Variants in KIAA1328 observed in about 807,000 individuals in gnomAD.
KIAA1328 encodes KIAA1328, also known as protein hinderin.
Under a neutral mutation model 68.1 loss-of-function variants are expected in KIAA1328, and 52 were observed. The observed-to-expected ratio is 0.76, with a 90% CI of 0.61 to 0.96. The LOEUF is 0.96. KIAA1328 is among the 40% of genes least tolerant of loss of function. KIAA1328 has a pLI of 0.00. For missense variants in KIAA1328, 641 were observed against 677.6 expected (o/e 0.95, Z 0.60); for synonymous variants, 232 against 239.4 (o/e 0.97, Z 0.28).
rs374704730 is a variant in KIAA1328, at chr18:37,051,039, C to T, written c.577-15851C>T. ...GGACTTACCTAAAACAACAGAACTC[C>T]TAACTAATAGTATTAGAATTATAAT... On this transcript the variant is annotated intron_variant, in intron 6 of 9. Coordinates refer to ENST00000280020, the MANE Select transcript of KIAA1328 (RefSeq NM_020776.3). Among the ~76,000 whole-genome samples the T allele has an allele frequency of 1.2e-4, 19 of 152,224 alleles. No homozygotes were observed. The South Asian group carries it at 3.1e-3, about 25-fold the overall frequency.
chr18:36,890,850 A>G (rs578083812), intron 5 of KIAA1328, among the ~76,000 whole-genome samples: 22 of 152,162 alleles, frequency 1.4e-4, no homozygotes, highest in Non-Finnish European at 2.2e-4. Flanking sequence ...TAATTCTCCA[A>G]AAAGATATAT....
chr18:37,173,889 C>A (rs1343851265), intron 9 of KIAA1328, among the ~76,000 whole-genome samples: 23 of 152,160 alleles, frequency 1.5e-4, no homozygotes, highest in Admixed American at 1.5e-3. Context: ...AAGTTGTATT[C>A]CAGTCCAGTG....
At chr18:37,069,046 A>G (rs1174165614) in intron 7 of KIAA1328, among the ~76,000 whole-genome samples, 1 of 152,042 alleles carries the variant, frequency 6.6e-6, no homozygotes, top group Non-Finnish European at 1.5e-5. Flanking sequence ...TAGGTGTTGA[A>G]TTTTGTCAAA....
chr18:36,970,307 A>G (rs976429165), intron 6 of KIAA1328, among the ~76,000 whole-genome samples: 8 of 152,218 alleles, frequency 5.3e-5, no homozygotes, highest in African/African-American at 1.9e-4. Context: ...AACATATCTC[A>G]AAATAATAAG....
chr18:37,150,908 A>G (rs113774685), intron 7 of KIAA1328, among the ~76,000 whole-genome samples: 184 of 152,244 alleles, frequency 1.2e-3, no homozygotes, highest in African/African-American at 4.3e-3. Context: ...GGAACAGGGT[A>G]AAGATGTCCA....
rs529591920 is a variant in KIAA1328, at chr18:37,122,561, AT to A, written c.1233-37636del. On this transcript the variant is annotated intron_variant, in intron 7 of 9. Coordinates refer to ENST00000280020, the MANE Select transcript of KIAA1328 (RefSeq NM_020776.3). ...AGATCCCAGTGATATAGGACCTAGA[AT>A]TTGAATCACAGGTGGAAAAATTATC... 8.5e-5 allele frequency among the ~76,000 whole-genome samples: 13 copies of A among 152,330 alleles called. No homozygotes were observed. In the South Asian group the frequency reaches 2.7e-3, roughly 32 times the overall value.
intron 5 of KIAA1328, among the ~76,000 whole-genome samples, chr18:36,900,318 G>T (rs1232771656): frequency 6.6e-6 from 1 of 151,888 alleles, no homozygotes; most frequent in Non-Finnish European, 1.5e-5. Context: ...TATCATGTGG[G>T]TAAGTTCCCT....
chr18:37,209,355 TG>T (rs1450326375), intron 9 of KIAA1328, among the ~76,000 whole-genome samples: 1 of 152,170 alleles, frequency 6.6e-6, no homozygotes, highest in African/African-American at 2.4e-5. Flanking sequence ...GCACCTACCT[TG>T]TGCCAGATAC....
At chr18:37,067,708 C>T (rs1262204735) in intron 7 of KIAA1328, among the ~76,000 whole-genome samples, 163 bp downstream of exon 7, 3 of 151,960 alleles carry the variant, frequency 2.0e-5, no homozygotes, top group African/African-American at 4.8e-5. Flanking sequence ...TACAGGCGCC[C>T]GCCACCATGC....
intron 6 of KIAA1328, among the ~76,000 whole-genome samples, chr18:37,014,765 C>T (rs2054093137): frequency 6.6e-6 from 1 of 152,138 alleles, no homozygotes; most frequent in Non-Finnish European, 1.5e-5. Flanking sequence ...AGTCACCTCC[C>T]ACCTCCAACA....
intron 6 of KIAA1328, among the ~76,000 whole-genome samples, chr18:37,006,156 A>C (rs2053773861): frequency 6.6e-6 from 1 of 152,144 alleles, no homozygotes; most frequent in South Asian, 2.1e-4. Context: ...GTATGCCATA[A>C]ATTTGTACAA....
chr18:37,224,338 C>T lies in KIAA1328; in HGVS notation c.*2111C>T, dbSNP rs1316949116. 2.0e-6 allele frequency: 2 copies of T among 985,248 alleles called. No individual in the cohort carries two copies. The highest frequency in any genetic ancestry group is 1.2e-6 in the Non-Finnish European group (1 of 829,928). The allele number at this position is 985,248 out of a possible 1,614,324, so 61.0% of individuals were successfully genotyped here. ...TCTAAACTAAAGGCTTTTTGGGGGT[C>T]ACAGCCACAGAGTGGAGTTTTATTG... is the stretch of plus-strand genomic sequence containing the variant. On this transcript the variant is annotated 3_prime_UTR_variant, in exon 10 of 10. Transcript: ENST00000280020.
intron 7 of KIAA1328, among the ~76,000 whole-genome samples, chr18:37,071,634 C>T (rs1169690608): frequency 2.0e-5 from 3 of 152,080 alleles, no homozygotes; most frequent in Non-Finnish European, 4.4e-5. Flanking sequence ...ACATACACAT[C>T]ACTTGAGCAA....
intron 7 of KIAA1328, among the ~76,000 whole-genome samples, chr18:37,135,170 A>G (rs1225266115): frequency 1.3e-5 from 2 of 152,150 alleles, no homozygotes; most frequent in Non-Finnish European, 2.9e-5. Flanking sequence ...CTGTGAGTGC[A>G]TGAGTCTTTC....
At chr18:36,887,112 CTTTTT>C (rs553425006) in intron 5 of KIAA1328, among the ~76,000 whole-genome samples, 1 of 134,680 alleles carries the variant, frequency 7.4e-6, no homozygotes, top group Non-Finnish European at 1.6e-5. Flanking sequence ...CCAACTTTCT[CTTTTT>C]TTTTTTTTTT....
intron 7 of KIAA1328, among the ~76,000 whole-genome samples, chr18:37,095,953 C>A (rs963834968): frequency 6.6e-6 from 1 of 152,048 alleles, no homozygotes; most frequent in African/African-American, 2.4e-5. Flanking sequence ...ATTGAAAGCT[C>A]GAACAGACCA....
chr18:37,166,899 A>G (rs1294364514), intron 8 of KIAA1328, among the ~76,000 whole-genome samples: 1 of 152,240 alleles, frequency 6.6e-6, no homozygotes, highest in African/African-American at 2.4e-5. Context: ...ATAGACCTAT[A>G]TAACAAGTAA....
chr18:37,112,244 C>T (rs532498756), intron 7 of KIAA1328, among the ~76,000 whole-genome samples: 35 of 152,266 alleles, frequency 2.3e-4, no homozygotes, highest in Admixed American at 7.2e-4. Context: ...CCCTGACCCC[C>T]GAGTAGCCTA....
chr18:36,980,651 A>G (rs1298315690), intron 6 of KIAA1328, among the ~76,000 whole-genome samples: 1 of 152,124 alleles, frequency 6.6e-6, no homozygotes, highest in Non-Finnish European at 1.5e-5. Flanking sequence ...TCCAGCTGAC[A>G]TGGTTTGGCT....
Sources: gnomAD v4.1 joint callset for allele counts (sites outside exome capture counted in the v4.1 genomes callset) on GRCh38, gnomAD v4.1.1 for gene constraint, MANE v1.5 for transcripts, NCBI Gene and HGNC (gene_info 2026-07-23, HGNC 2026-07-21) for gene names.